BCAS3: variants seen among roughly 807,000 people sequenced by gnomAD.
The protein encoded by BCAS3 is BCAS4/BCAS3 fusion.
In BCAS3, 53 loss-of-function variants were observed where a neutral mutation model predicts 116.1. The ratio of observed to expected loss-of-function variants is 0.46; its 90% CI spans 0.37 to 0.57. The LOEUF (loss-of-function observed/expected upper bound fraction) is 0.57, where lower values mean the gene tolerates loss of function less well. BCAS3 is among the 20% of genes least tolerant of loss of function. The pLI is 0.00. For missense variants in BCAS3, 917 were observed against 1,165.4 expected (o/e 0.79, Z 3.10); for synonymous variants, 391 against 408.2 (o/e 0.96, Z 0.51).
At position 61,348,028 on chromosome 17, in the gene BCAS3, C is replaced by G. The variant is rs1291749741; in HGVS notation, c.2426-20299C>G. On this transcript the variant is annotated intron_variant, in intron 22 of 23. Coordinates refer to ENST00000407086, the MANE Select transcript of BCAS3 (RefSeq NM_017679.5). This position sits in a 1 kb window ranked among gnomAD's most constrained non-coding sequence, Gnocchi z 4.5. ...TGTAGAAAAGGTCACCCAGGTGGCACTAGGAAGAATGAATTGAAGGGAAGC... is the reference window on the plus strand; with the variant it reads ...TGTAGAAAAGGTCACCCAGGTGGCAGTAGGAAGAATGAATTGAAGGGAAGC... Among the ~76,000 whole-genome samples, 2 of 152,090 alleles carry G rather than the reference C, an allele frequency of 1.3e-5. No homozygotes were observed. Among genetic ancestry groups the G allele is most frequent in the Admixed American group, 6.5e-5 (1 of 15,270 alleles).
In BCAS3 at chr17:60,808,077, G is replaced by C. The variant is rs2048447702; in HGVS notation, c.476+1G>C. 6.3e-7 allele frequency: 1 copy of C among 1,588,164 alleles called. No individual in the cohort carries two copies. The highest frequency in any genetic ancestry group is 1.4e-5 in the African/African-American group (1 of 73,920). On this transcript the variant is annotated splice_donor_variant, in intron 7 of 23. Transcript: ENST00000407086. LOFTEE classifies it high-confidence loss of function. ...TTTGTAAGAGCATTGGATCTTCTGG[G>C]TAAGGAAATTTTAAAAATTCTTTGT...
rs2076787238 is a variant in BCAS3 at position 61,139,003 on chromosome 17, T to C, written c.2425+54439T>C. 6.6e-6 allele frequency among the ~76,000 whole-genome samples: 1 copy of C among 152,250 alleles called. No homozygotes were observed. The highest frequency in any genetic ancestry group is 1.5e-5 in the Non-Finnish European group (1 of 68,042). On this transcript the variant is annotated intron_variant, in intron 22 of 23. Coordinates refer to ENST00000407086, the MANE Select transcript of BCAS3 (RefSeq NM_017679.5). The surrounding 1 kb of genome is among the most constrained non-coding windows in gnomAD (Gnocchi z 4.7). ...TGAATTAGCTGTAATCTTCAAGTTATTTTTAAACCCACTTTATGCTTTTGC... is the reference window on the plus strand; with the variant it reads ...TGAATTAGCTGTAATCTTCAAGTTACTTTTAAACCCACTTTATGCTTTTGC...
At chr17:61,110,805 A>G (rs1450372161) in intron 22 of BCAS3, among the ~76,000 whole-genome samples, 8 of 152,116 alleles carry the variant, frequency 5.3e-5, no homozygotes, top group Non-Finnish European at 1.0e-4. Flanking sequence ...CAGACAAACA[A>G]AAAGACAGCA....
chr17:60,920,808 T>A (rs189508649), intron 12 of BCAS3, among the ~76,000 whole-genome samples: 498 of 152,020 alleles, frequency 3.3e-3, no homozygotes, highest in Non-Finnish European at 5.8e-3. Flanking sequence ...AGGCAGAGGT[T>A]GCAGTGAACC....
intron 7 of BCAS3, among the ~76,000 whole-genome samples, chr17:60,862,616 G>A (rs2054251029): frequency 6.6e-6 from 1 of 152,206 alleles, no homozygotes; most frequent in Non-Finnish European, 1.5e-5. Context: ...GGTAAAAAAT[G>A]TGTTGCATGC....
At chr17:60,853,185 C>A (rs1260271604) in intron 7 of BCAS3, among the ~76,000 whole-genome samples, 1 of 152,172 alleles carries the variant, frequency 6.6e-6, no homozygotes, top group Non-Finnish European at 1.5e-5. Flanking sequence ...AGAAGTCAAT[C>A]TGATAATTGT....
chr17:61,311,358 T>G (rs944819262), intron 22 of BCAS3, among the ~76,000 whole-genome samples: 7 of 152,210 alleles, frequency 4.6e-5, no homozygotes, highest in African/African-American at 1.7e-4. Flanking sequence ...ACATTGGGGA[T>G]TCTATGTGAG....
chr17:60,811,365 G>A, intron 7 of BCAS3: 3 of 624,294 alleles, frequency 4.8e-6, no homozygotes, highest in South Asian at 2.9e-5. Flanking sequence ...CCAGACAGCA[G>A]CAACTCCAGG....
chr17:61,170,956 C>T (rs188553838), intron 22 of BCAS3, among the ~76,000 whole-genome samples: 6 of 152,298 alleles, frequency 3.9e-5, no homozygotes, highest in East Asian at 1.9e-4. Flanking sequence ...AGGGAACATT[C>T]GCTGGAGCTT....
At chr17:61,114,139 A>G (rs1224185798) in intron 22 of BCAS3, among the ~76,000 whole-genome samples, 1 of 138,774 alleles carries the variant, frequency 7.2e-6, no homozygotes, top group Non-Finnish European at 1.6e-5. Flanking sequence ...ATCATACTGA[A>G]TGGGCAAAAA....
intron 15 of BCAS3, among the ~76,000 whole-genome samples, chr17:61,006,060 T>G (rs1200971935): frequency 1.3e-5 from 2 of 152,076 alleles, no homozygotes; most frequent in Admixed American, 1.3e-4. Context: ...TGGTTTTTTG[T>G]TCTTGCGATA....
At chr17:61,305,467 T>C (rs1329780419) in intron 22 of BCAS3, among the ~76,000 whole-genome samples, 1 of 152,232 alleles carries the variant, frequency 6.6e-6, no homozygotes, top group Non-Finnish European at 1.5e-5. Flanking sequence ...CTGTGTGAAC[T>C]TGAGCAAGTT....
intron 22 of BCAS3, among the ~76,000 whole-genome samples, chr17:61,091,040 A>G (rs1173985573): frequency 6.6e-6 from 1 of 152,218 alleles, no homozygotes; most frequent in Admixed American, 6.5e-5. Context: ...ACAATTAAGA[A>G]AAAATGATAG....
chr17:60,905,151 A>C (rs977285554), intron 11 of BCAS3, among the ~76,000 whole-genome samples: 1 of 152,232 alleles, frequency 6.6e-6, no homozygotes, highest in African/African-American at 2.4e-5. Context: ...TGGAATAAGA[A>C]TATATGGACA....
chr17:61,266,514 A>C (rs2049729924), intron 22 of BCAS3, among the ~76,000 whole-genome samples: 1 of 152,214 alleles, frequency 6.6e-6, no homozygotes, highest in Non-Finnish European at 1.5e-5. Flanking sequence ...ATGATTTAAC[A>C]CTGAACTAAG....
At chr17:60,968,904 G>A (rs1410415045) in intron 14 of BCAS3, among the ~76,000 whole-genome samples, 1 of 152,068 alleles carries the variant, frequency 6.6e-6, no homozygotes, top group Non-Finnish European at 1.5e-5. Flanking sequence ...GCCAGTTAAG[G>A]CAAGGATAGT....
chr17:60,829,560 G>T (rs1317968581), intron 7 of BCAS3, among the ~76,000 whole-genome samples: 1 of 151,914 alleles, frequency 6.6e-6, no homozygotes, highest in East Asian at 1.9e-4. Context: ...TTTGTTGTTG[G>T]TGGATATTTG....
chr17:61,107,218 C>A (rs377100829), intron 22 of BCAS3, among the ~76,000 whole-genome samples: 2 of 151,272 alleles, frequency 1.3e-5, no homozygotes, highest in African/African-American at 4.8e-5. Flanking sequence ...TCCTGAGTAG[C>A]TGGGATTACA....
rs1555635208 is a variant in BCAS3, at chr17:60,961,776, C to CA, written c.1221+14424_1221+14425insA. ...CTCTCTATCTTCATGAGGCCCACTG[C>CA]TTTTTTTTTTTCACATCAGATGGAT... On this transcript the variant is annotated intron_variant, in intron 14 of 23. Coordinates refer to ENST00000407086, the MANE Select transcript of BCAS3 (RefSeq NM_017679.5). This position sits in a 1 kb window ranked among gnomAD's most constrained non-coding sequence, Gnocchi z 4.8. Among the ~76,000 whole-genome samples, 37 of 146,554 alleles carry CA rather than the reference C, an allele frequency of 2.5e-4. No homozygotes were observed. Among genetic ancestry groups the CA allele is most frequent in the Non-Finnish European group, 1.5e-5 (1 of 66,230 alleles).
Sources: gnomAD v4.1 joint callset for allele counts (sites outside exome capture counted in the v4.1 genomes callset) on GRCh38, gnomAD v4.1.1 for gene constraint, Gnocchi (gnomAD v3.1) non-coding constraint, MANE v1.5 for transcripts, NCBI Gene and HGNC (gene_info 2026-07-23, HGNC 2026-07-21) for gene names.